Variants in CACNA2D3 observed in about 807,000 individuals in gnomAD.
CACNA2D3 encodes calcium voltage-gated channel auxiliary subunit alpha2delta 3.
CACNA2D3 carries 60 observed loss-of-function variants against 160.6 expected under a neutral mutation model. The observed-to-expected ratio is 0.37, with a 90% CI of 0.30 to 0.46. CACNA2D3 has a LOEUF of 0.46. Ranked by LOEUF, CACNA2D3 falls within the 20% of genes least tolerant of loss-of-function variation. The pLI, the probability that CACNA2D3 is intolerant of heterozygous loss-of-function variation, is 1.00. For missense variants in CACNA2D3, 1,205 were observed against 1,365.0 expected, an observed-to-expected ratio of 0.88 and a Z score of 1.85; for synonymous variants, 558 against 492.9, an observed-to-expected ratio of 1.13 and a Z score of -1.75.
chr3:54,652,314 C>T (rs1291085814), intron 11 of CACNA2D3, among the ~76,000 whole-genome samples: 2 of 152,200 alleles, frequency 1.3e-5, no homozygotes, highest in Non-Finnish European at 2.9e-5. Context: ...CGCTGTGTCT[C>T]GCAGTCCATT....
At chr3:54,253,107 CTTT>C (rs34188932) in intron 2 of CACNA2D3, among the ~76,000 whole-genome samples, 8 of 138,560 alleles carry the variant, frequency 5.8e-5, no homozygotes, top group Non-Finnish European at 6.3e-5. Context: ...TTAACCAACT[CTTT>C]TTTTTTTTTT....
intron 35 of CACNA2D3, among the ~76,000 whole-genome samples, chr3:55,028,613 T>C (rs1559467936): frequency 6.6e-6 from 1 of 152,202 alleles, no homozygotes; most frequent in Non-Finnish European, 1.5e-5. Context: ...AAGACTTGCT[T>C]AGAATCAATT....
At chr3:54,994,315 G>A (rs373425075) in intron 31 of CACNA2D3, among the ~76,000 whole-genome samples, 3 of 152,120 alleles carry the variant, frequency 2.0e-5, no homozygotes, top group African/African-American at 7.2e-5. Flanking sequence ...ATGGCTGCTC[G>A]CCTTTAATGC....
intron 4 of CACNA2D3, among the ~76,000 whole-genome samples, chr3:54,463,986 A>G (rs967931350): frequency 3.3e-5 from 5 of 152,046 alleles, no homozygotes; most frequent in South Asian, 4.1e-4. Context: ...TTTTCCTTCT[A>G]CCATACAGGA....
intron 3 of CACNA2D3, among the ~76,000 whole-genome samples, chr3:54,369,229 A>G (rs1698880254): frequency 6.6e-6 from 1 of 152,150 alleles, no homozygotes; most frequent in African/African-American, 2.4e-5. Flanking sequence ...CAAACAAACA[A>G]ACAAACAAAA....
At position 54,619,331 on chromosome 3, in the gene CACNA2D3, G is replaced by T. The variant is rs76021317; in HGVS notation, c.964-8456G>T. 7.0e-3 allele frequency among the ~76,000 whole-genome samples: 1,067 copies of T among 152,280 alleles called. 18 individuals carry two copies. The highest frequency in any genetic ancestry group is 0.024 in the African/African-American group (986 of 41,536). On this transcript the variant is annotated intron_variant, in intron 9 of 37. Transcript: ENST00000474759. The stretch of plus-strand genomic sequence containing the variant: ...AAATGTGCACTGCTTAGGTGGAGGG[G>T]CTGTTCCACTTTAGGTATTTCCCAA...
At chr3:54,500,508 C>CCTTCCTTCCTATCTTCCTTCCTTCCTCT (rs762109892) in intron 4 of CACNA2D3, among the ~76,000 whole-genome samples, 1 of 90,188 alleles carries the variant, frequency 1.1e-5, no homozygotes, top group African/African-American at 4.1e-5. Flanking sequence ...TTCCTATCTT[C>CCTTCCTTCCTATCTTCCTTCCTTCCTCT]CTTCCTTCCT....
At chr3:54,419,528 T>G (rs1454900784) in intron 4 of CACNA2D3, among the ~76,000 whole-genome samples, 1 of 152,220 alleles carries the variant, frequency 6.6e-6, no homozygotes, top group Admixed American at 6.5e-5. Flanking sequence ...CCTCTTATGA[T>G]TGCCACAAGT....
chr3:54,515,688 G>T (rs751677705), intron 5 of CACNA2D3, among the ~76,000 whole-genome samples: 22 of 152,156 alleles, frequency 1.4e-4, no homozygotes, highest in Admixed American at 3.3e-4. Flanking sequence ...AAAGAGAAAT[G>T]GTTTCCCTCT....
At chr3:54,811,244 C>T (rs964341210) in intron 13 of CACNA2D3, among the ~76,000 whole-genome samples, 3 of 152,118 alleles carry the variant, frequency 2.0e-5, no homozygotes, top group African/African-American at 4.8e-5. Context: ...CTCAACTGTG[C>T]TTCTCCCATA....
intron 4 of CACNA2D3, among the ~76,000 whole-genome samples, chr3:54,457,068 C>A (rs758334204): frequency 6.7e-6 from 1 of 150,052 alleles, no homozygotes. Context: ...TTTTTTTGTT[C>A]TGTTGGTCTC....
At chr3:54,846,194 G>A (rs1698928302) in intron 16 of CACNA2D3, among the ~76,000 whole-genome samples, 199 bp from the exon 17 acceptor site, 1 of 152,216 alleles carries the variant, frequency 6.6e-6, no homozygotes. Context: ...TATTTGTTGA[G>A]CTTATCCTCT....
chr3:54,956,029 C>G (rs939140120), intron 27 of CACNA2D3, among the ~76,000 whole-genome samples: 1 of 152,214 alleles, frequency 6.6e-6, no homozygotes, highest in African/African-American at 2.4e-5. Context: ...CGTGATTACT[C>G]CAGAGTGCCG....
In CACNA2D3 at chr3:54,858,418, C is replaced by T. The variant is rs1426931090; in HGVS notation, c.1626+11951C>T. 2.0e-5 allele frequency among the ~76,000 whole-genome samples: 3 copies of T among 152,152 alleles called. No homozygotes were observed. The South Asian group carries it at 6.2e-4, about 32-fold the overall frequency. On this transcript the variant is annotated intron_variant, in intron 17 of 37. Transcript: ENST00000474759. ...GGTAGGAATACACAGGAAGTAGGAG[C>T]TCAAGGCAGAATGAAACACTCTCCT...
At position 54,885,530 on chromosome 3, in the gene CACNA2D3, T is replaced by A; in HGVS notation, c.2000T>A (p.Leu667Gln). The A allele has an allele frequency of 6.2e-7, 1 of 1,613,824 alleles. No individual in the cohort carries two copies. Among genetic ancestry groups the A allele is most frequent in the South Asian group, 1.1e-5 (1 of 91,004 alleles). ...GACCTACACCCTGAGCACCGCCATCTGTCTCAGTTAGAAGCGATTAAGCTC... is the reference window on the plus strand; with the variant it reads ...GACCTACACCCTGAGCACCGCCATCAGTCTCAGTTAGAAGCGATTAAGCTC... ...NTDLHPEHRH[L>Q]SQLEAIKLYL... The change falls in exon 23 of 38, where the codon CTG (leucine) becomes CAG (glutamine). Residue 667 changes from leucine to glutamine, a missense_variant. By Grantham distance (113) the Leu-to-Gln change is moderately radical. Around this residue, in one of 3 missense-constraint regions of CACNA2D3, gnomAD observed 911 missense variants for 1,002.2 expected, o/e 0.91. Transcript: ENST00000474759.
Position 54,757,597 on chromosome 3 carries a change from C to T in CACNA2D3, c.1246+4920C>T, listed in dbSNP as rs374616055. 6.6e-5 allele frequency among the ~76,000 whole-genome samples: 10 copies of T among 152,274 alleles called. 1 individual carries two copies. The highest frequency in any genetic ancestry group is 2.4e-4 in the African/African-American group (10 of 41,548). On this transcript the variant is annotated intron_variant, in intron 12 of 37. Coordinates refer to ENST00000474759, the MANE Select transcript of CACNA2D3 (RefSeq NM_018398.3). ...TTAAATACCTTTTTGTAGTTCATTG[C>T]ACACATTCCTTAGAATCAGAGATTT...
chr3:54,237,724 C>T (rs945243397), intron 2 of CACNA2D3, among the ~76,000 whole-genome samples: 1 of 152,182 alleles, frequency 6.6e-6, no homozygotes, highest in African/African-American at 2.4e-5. Context: ...CTGTTGTCAG[C>T]ATGGGCTGCA....
In CACNA2D3 at chr3:54,764,068, G is replaced by A. The variant is rs76810223; in HGVS notation, c.1247-150G>A. ...TGGGTGATCGGGGAGAGGAGCTAACGTTGAAAAGAAAAATGGGGGAGAGGA... is the reference window on the plus strand; with the variant it reads ...TGGGTGATCGGGGAGAGGAGCTAACATTGAAAAGAAAAATGGGGGAGAGGA... On this transcript the variant is annotated intron_variant, in intron 12 of 37. Coordinates refer to ENST00000474759, the MANE Select transcript of CACNA2D3 (RefSeq NM_018398.3). The A allele has an allele frequency of 2.5e-3, 1,974 of 780,934 alleles. 52 individuals are homozygous for A. The East Asian group carries it at 0.044, about 17-fold the overall frequency. The allele number at this position is 780,934 out of a possible 1,614,324, so 48.4% of individuals were successfully genotyped here. A position where few individuals can be genotyped will look rare whatever the true frequency, so the allele number is the denominator to read the frequency against.
chr3:54,282,323 T>G (rs1406004387), intron 2 of CACNA2D3, among the ~76,000 whole-genome samples: 2 of 152,178 alleles, frequency 1.3e-5, no homozygotes, highest in East Asian at 3.8e-4. Flanking sequence ...GCTTTGGAAT[T>G]GAATAAATAC....
Sources: gnomAD v4.1 joint callset for allele counts (sites outside exome capture counted in the v4.1 genomes callset) on GRCh38, gnomAD v4.1.1 for gene constraint, gnomAD v4.1.1 regional missense constraint, MANE v1.5 for transcripts, NCBI Gene and HGNC (gene_info 2026-07-23, HGNC 2026-07-21) for gene names.